ATRNL1: variants seen among roughly 807,000 people sequenced by gnomAD.
ATRNL1 encodes the protein attractin like 1.
In ATRNL1, 95 loss-of-function variants were observed where a neutral mutation model predicts 182.7. That is an observed-to-expected ratio of 0.52 (90% CI 0.44 to 0.62). ATRNL1 has a LOEUF of 0.62. ATRNL1 is among the 20% of genes least tolerant of loss of function. The probability of loss-of-function intolerance (pLI) is 0.00; values close to 1 mark genes in which losing one functional copy is unlikely to be tolerated. For missense variants in ATRNL1, 1,471 were observed against 1,679.5 expected (o/e 0.88, Z 2.17); for synonymous variants, 576 against 568.3 (o/e 1.01, Z -0.19).
chr10:115,202,893 A>G (rs1458646593), intron 8 of ATRNL1, among the ~76,000 whole-genome samples: 2 of 149,432 alleles, frequency 1.3e-5, no homozygotes, highest in African/African-American at 2.5e-5. Context: ...GCTATTGATT[A>G]TTGCCACAAT....
intron 26 of ATRNL1, among the ~76,000 whole-genome samples, chr10:115,664,415 G>C (rs372249615): frequency 2.4e-4 from 36 of 152,226 alleles, no homozygotes; most frequent in African/African-American, 8.4e-4. Flanking sequence ...GATATATGTA[G>C]GCTTTTGATA....
At chr10:115,402,840 C>G (rs1844630499) in intron 20 of ATRNL1, among the ~76,000 whole-genome samples, 1 of 152,072 alleles carries the variant, frequency 6.6e-6, no homozygotes, top group East Asian at 1.9e-4. Flanking sequence ...GGCTTAAGAC[C>G]CTGGTTCTCA....
At position 115,799,512 on chromosome 10, in the gene ATRNL1, C is replaced by T. The variant is rs538013112; in HGVS notation, c.3904-48365C>T. 1.9e-4 allele frequency among the ~76,000 whole-genome samples: 29 copies of T among 152,266 alleles called. No individual in the cohort carries two copies. In the South Asian group the frequency reaches 4.1e-3, roughly 22 times the overall value. The stretch of plus-strand genomic sequence containing the variant: ...CCCAGCCCATTCTCTCTGGATCAGG[C>T]CAACAAAACATTCACCAATTAACGA... On this transcript the variant is annotated intron_variant, in intron 27 of 28. Transcript: ENST00000355044.
chr10:115,605,037 G>A (rs1363544374), intron 26 of ATRNL1, among the ~76,000 whole-genome samples: 1 of 152,102 alleles, frequency 6.6e-6, no homozygotes, highest in African/African-American at 2.4e-5. Flanking sequence ...AACTTTTAAT[G>A]TAAATTAACA....
chr10:115,333,710 C>T (rs1855346211), intron 18 of ATRNL1, among the ~76,000 whole-genome samples: 1 of 152,080 alleles, frequency 6.6e-6, no homozygotes, highest in African/African-American at 2.4e-5. Flanking sequence ...TGGTCTCAAA[C>T]TCCTCACCTC....
At chr10:115,776,441 A>G (rs1193956840) in intron 27 of ATRNL1, among the ~76,000 whole-genome samples, 1 of 152,144 alleles carries the variant, frequency 6.6e-6, no homozygotes, top group Non-Finnish European at 1.5e-5. Flanking sequence ...AAATTCTTTG[A>G]CACTTCTTCT....
At chr10:115,279,673 C>A (rs782315370) in intron 13 of ATRNL1, among the ~76,000 whole-genome samples, 8 of 152,166 alleles carry the variant, frequency 5.3e-5, no homozygotes, top group Non-Finnish European at 1.2e-4. Flanking sequence ...AGGGAAGGAG[C>A]ATTCTACCAA....
intron 19 of ATRNL1, among the ~76,000 whole-genome samples, chr10:115,393,217 A>G (rs1248526619): frequency 4.6e-5 from 7 of 152,040 alleles, no homozygotes; most frequent in African/African-American, 1.7e-4. Context: ...TGGTTCAAAG[A>G]TTACTGGTTT....
chr10:115,384,560 A>C (rs1482992504), intron 19 of ATRNL1, among the ~76,000 whole-genome samples: 1 of 152,100 alleles, frequency 6.6e-6, no homozygotes, highest in Non-Finnish European at 1.5e-5. Flanking sequence ...AAACAAATGA[A>C]TGTGGCTGTA....
chr10:115,384,815 T>C (rs889939684), intron 19 of ATRNL1, among the ~76,000 whole-genome samples: 20 of 152,132 alleles, frequency 1.3e-4, no homozygotes, highest in African/African-American at 4.6e-4. Context: ...AATAGAACTT[T>C]CGTTTCTGAT....
chr10:115,726,211 T>C (rs944823203), intron 26 of ATRNL1, among the ~76,000 whole-genome samples: 1 of 152,198 alleles, frequency 6.6e-6, no homozygotes, highest in South Asian at 2.1e-4. Context: ...CTCACAGGAC[T>C]ACATCCATTT....
chr10:115,940,194 C>T (rs1353144177), intron 28 of ATRNL1, among the ~76,000 whole-genome samples: 1 of 152,112 alleles, frequency 6.6e-6, no homozygotes, highest in Non-Finnish European at 1.5e-5. Context: ...CTTGTGGGAG[C>T]TGTAGACAGA....
intron 27 of ATRNL1, among the ~76,000 whole-genome samples, chr10:115,755,551 C>T (rs3095131): frequency 0.98 from 149,577 of 152,308 alleles, 73,497 homozygotes; most frequent in Middle Eastern, 1. Context: ...CTTTTTGATA[C>T]GCTGCTGGAA....
chr10:115,431,217 A>T (rs1846146012), intron 21 of ATRNL1, among the ~76,000 whole-genome samples: 1 of 151,718 alleles, frequency 6.6e-6, no homozygotes, highest in Non-Finnish European at 1.5e-5. Flanking sequence ...GACCAGCCTG[A>T]CCAACATGGA....
chr10:115,184,811 A>G (rs1847880469), intron 8 of ATRNL1, among the ~76,000 whole-genome samples: 1 of 151,960 alleles, frequency 6.6e-6, no homozygotes. Flanking sequence ...TAGGATAATC[A>G]TTCTGAAACG....
intron 10 of ATRNL1, among the ~76,000 whole-genome samples, chr10:115,258,899 G>T (rs1160594770): frequency 1.3e-5 from 2 of 152,170 alleles, no homozygotes; most frequent in Non-Finnish European, 2.9e-5. Flanking sequence ...GTTGGAGTTT[G>T]CTGGAGGTTC....
intron 28 of ATRNL1, among the ~76,000 whole-genome samples, chr10:115,935,236 G>A (rs1953521015): frequency 6.6e-6 from 1 of 152,052 alleles, no homozygotes; most frequent in Non-Finnish European, 1.5e-5. Context: ...CTCAATACAT[G>A]TTTCTCAATT....
At chr10:115,923,991 T>C (rs1286796238) in intron 28 of ATRNL1, among the ~76,000 whole-genome samples, 4 of 152,252 alleles carry the variant, frequency 2.6e-5, no homozygotes, top group African/African-American at 9.6e-5. Flanking sequence ...GATTTGCATT[T>C]CTTTAATGAT....
intron 26 of ATRNL1, among the ~76,000 whole-genome samples, chr10:115,703,022 T>G (rs1348641011): frequency 6.6e-6 from 1 of 151,506 alleles, no homozygotes; most frequent in Non-Finnish European, 1.5e-5. Context: ...ACTACAAGAG[T>G]ACAGTAATCA....
Sources: allele counts gnomAD v4.1 joint callset (sites outside exome capture counted in the v4.1 genomes callset), GRCh38; gene constraint gnomAD v4.1.1; transcripts MANE v1.5; gene names NCBI Gene and HGNC (gene_info 2026-07-23, HGNC 2026-07-21).